Variants in ANKRD44 observed in about 807,000 individuals in gnomAD.
ANKRD44 encodes the protein ankyrin repeat domain 44.
In ANKRD44, 35 loss-of-function variants were observed where a neutral mutation model predicts 116.0. The ratio of observed to expected loss-of-function variants is 0.30; its 90% CI spans 0.23 to 0.40. ANKRD44 has a LOEUF of 0.40. Among genes scored for constraint, ANKRD44 ranks in the 10% least tolerant of loss-of-function variants. ANKRD44 has a pLI of 1.00. For synonymous variants in ANKRD44, 435 were observed against 461.8 expected (o/e 0.94, Z 0.74); for missense variants, 1,014 against 1,242.6 (o/e 0.82, Z 2.77).
At chr2:196,978,982 G>A (rs563475894) in intron 21 of ANKRD44, among the ~76,000 whole-genome samples, 1 of 151,680 alleles carries the variant, frequency 6.6e-6, no homozygotes, top group Non-Finnish European at 1.5e-5. Flanking sequence ...TAGCATAGTC[G>A]TAAAGATTAT....
At chr2:197,280,930 T>C (rs1454615551) in intron 1 of ANKRD44, among the ~76,000 whole-genome samples, 1 of 152,108 alleles carries the variant, frequency 6.6e-6, no homozygotes, top group Non-Finnish European at 1.5e-5. Flanking sequence ...GTCTGGTCAG[T>C]GGGGCCCAAA....
chr2:197,195,186 G>A (rs774050880), intron 1 of ANKRD44, among the ~76,000 whole-genome samples: 3 of 152,140 alleles, frequency 2.0e-5, no homozygotes, highest in Non-Finnish European at 2.9e-5. Context: ...TCGCTATGTT[G>A]CCCAGGCTGC....
At chr2:197,036,555 G>T (rs1238942859) in intron 16 of ANKRD44, among the ~76,000 whole-genome samples, 1 of 152,062 alleles carries the variant, frequency 6.6e-6, no homozygotes, top group Non-Finnish European at 1.5e-5. Context: ...ACTTTTAAAG[G>T]CAATAACACA....
intron 17 of ANKRD44, among the ~76,000 whole-genome samples, 182 bp from the exon 18 acceptor site, chr2:197,013,894 A>G (rs1355856458): frequency 1.3e-5 from 2 of 152,174 alleles, no homozygotes; most frequent in African/African-American, 4.8e-5. Context: ...GAAACACTAC[A>G]ATGCACAAAC....
chr2:197,296,908 C>T (rs564274902), intron 1 of ANKRD44, among the ~76,000 whole-genome samples: 2 of 152,092 alleles, frequency 1.3e-5, no homozygotes, highest in East Asian at 3.9e-4. Flanking sequence ...TAAATTAATT[C>T]GAGACTTGAA....
At chr2:197,006,653 T>G (rs1168048501) in intron 20 of ANKRD44, among the ~76,000 whole-genome samples, 1 of 152,190 alleles carries the variant, frequency 6.6e-6, no homozygotes, top group Non-Finnish European at 1.5e-5. Context: ...CAGCTTGTTG[T>G]ACAGCACACA....
At chr2:197,034,049 C>CCAGAGAGAGAGAGAGAGAGAGAGA (rs1491563139) in intron 16 of ANKRD44, among the ~76,000 whole-genome samples, 4 of 13,246 alleles carry the variant, frequency 3.0e-4, no homozygotes, top group African/African-American at 8.4e-4. Flanking sequence ...CATATGAGGG[C>CCAGAGAGAGAGAGAGAGAGAGAGA]TAGAGAGAGA....
intron 25 of ANKRD44, 151 bp from the exon 26 acceptor site, chr2:196,995,612 A>C: frequency 1.7e-6 from 1 of 579,532 alleles, no homozygotes; most frequent in Non-Finnish European, 3.0e-6. Context: ...TTTTCTTCTC[A>C]ACAACAAATG....
At chr2:197,221,509 T>A (rs1325866945) in intron 1 of ANKRD44, among the ~76,000 whole-genome samples, 2 of 152,168 alleles carry the variant, frequency 1.3e-5, no homozygotes, top group Admixed American at 6.5e-5. Flanking sequence ...TTTTTTAATG[T>A]AATATTTTAG....
chr2:197,310,244 C>G (rs2084207532), intron 1 of ANKRD44, among the ~76,000 whole-genome samples: 1 of 151,176 alleles, frequency 6.6e-6, no homozygotes, highest in Non-Finnish European at 1.5e-5. Flanking sequence ...CGCAACGCGG[C>G]GCGGTGCGAG....
At chr2:196,969,223 C>G (rs2075697290) in intron 21 of ANKRD44, among the ~76,000 whole-genome samples, 1 of 152,300 alleles carries the variant, frequency 6.6e-6, no homozygotes, top group Middle Eastern at 3.4e-3. Flanking sequence ...TATTTAGCTT[C>G]TCAAAGAATA....
chr2:197,258,269 C>CCTTT (rs2082505355), intron 1 of ANKRD44, among the ~76,000 whole-genome samples: 1 of 86,710 alleles, frequency 1.2e-5, no homozygotes, highest in Non-Finnish European at 2.2e-5. Context: ...CTTGGCTAAT[C>CCTTT]CTTTTTTTTT....
At position 196,988,096 on chromosome 2, in the gene ANKRD44, C is replaced by A. The variant is rs2075859483; in HGVS notation, c.*1495G>T. The A allele has an allele frequency of 1.0e-6, 1 of 985,204 alleles. No homozygotes were observed. The highest frequency in any genetic ancestry group is 1.7e-5 in the African/African-American group (1 of 57,200). The allele number at this position is 985,204 out of a possible 1,614,324, so 61.0% of individuals were successfully genotyped here. On this transcript the variant is annotated 3_prime_UTR_variant, in exon 28 of 28. Coordinates refer to ENST00000282272, the MANE Select transcript of ANKRD44 (RefSeq NM_001195144.2). ...GAGTGGGAAAAGTCAAAACGCAGCT[C>A]CATGGAGATAACGTCTCATGGTGAG...
intron 16 of ANKRD44, among the ~76,000 whole-genome samples, chr2:197,056,507 C>T (rs1482451229): frequency 6.6e-6 from 1 of 151,896 alleles, no homozygotes; most frequent in African/African-American, 2.4e-5. Flanking sequence ...TTTAAAATTT[C>T]ATTTTCTATT....
intron 1 of ANKRD44, among the ~76,000 whole-genome samples, chr2:197,227,150 C>G (rs1305105722): frequency 1.3e-5 from 2 of 152,200 alleles, no homozygotes; most frequent in Non-Finnish European, 2.9e-5. Flanking sequence ...TCCTCTGATA[C>G]CTCTCTTTAA....
intron 16 of ANKRD44, among the ~76,000 whole-genome samples, chr2:197,072,983 T>C (rs1366473572): frequency 6.6e-6 from 1 of 152,198 alleles, no homozygotes; most frequent in African/African-American, 2.4e-5. Flanking sequence ...TGTTCCAGTA[T>C]GACAATCACA....
intron 8 of ANKRD44, among the ~76,000 whole-genome samples, chr2:197,111,422 C>T (rs1421955469): frequency 1.3e-5 from 2 of 152,110 alleles, no homozygotes; most frequent in Admixed American, 6.5e-5. Context: ...GCAGGTGGAT[C>T]GTTTGAGATA....
At chr2:197,297,050 T>G (rs938452067) in intron 1 of ANKRD44, among the ~76,000 whole-genome samples, 95 of 152,210 alleles carry the variant, frequency 6.2e-4, no homozygotes, top group African/African-American at 2.2e-3. Context: ...AGTGGCATTC[T>G]TATAAGTAAT....
At chr2:197,099,626 TA>T in intron 10 of ANKRD44, 189 bp downstream of exon 10, 1 of 1,290,338 alleles carries the variant, frequency 7.7e-7, no homozygotes, top group South Asian at 2.5e-5. Flanking sequence ...AGCTAAAAAA[TA>T]AAATTGGTTC....
Sources: allele counts gnomAD v4.1 joint callset (sites outside exome capture counted in the v4.1 genomes callset), GRCh38; gene constraint gnomAD v4.1.1; transcripts MANE v1.5; gene names NCBI Gene and HGNC (gene_info 2026-07-23, HGNC 2026-07-21).